The following ZNF385D variants were observed in gnomAD, a reference collection of about 807,000 sequenced individuals.
ZNF385D encodes the protein zinc finger protein 659.
ZNF385D carries 15 observed loss-of-function variants against 35.8 expected under a neutral mutation model. That is an observed-to-expected ratio of 0.42 (90% confidence interval 0.28 to 0.64). ZNF385D has a LOEUF of 0.64. Among genes scored for constraint, ZNF385D ranks in the 30% least tolerant of loss-of-function variants. ZNF385D has a pLI of 0.23. For missense variants in ZNF385D, 474 were observed against 494.6 expected (o/e 0.96, Z 0.39); for synonymous variants, 212 against 186.8 (o/e 1.13, Z -1.10).
chr3:21,996,329 G>C (rs1202907291), intron 3 of ZNF385D, among the ~76,000 whole-genome samples: 1 of 152,154 alleles, frequency 6.6e-6, no homozygotes, highest in African/African-American at 2.4e-5. Context: ...CTGCAGTGGA[G>C]TTTCTCCTGG....
At chr3:22,164,920 G>T (rs1373369621) in intron 3 of ZNF385D, among the ~76,000 whole-genome samples, 1 of 152,098 alleles carries the variant, frequency 6.6e-6, no homozygotes, top group East Asian at 1.9e-4. Context: ...AATATAAAAA[G>T]GCTACATAGT....
At chr3:21,431,992 G>T (rs982351958) in intron 5 of ZNF385D, among the ~76,000 whole-genome samples, 1 of 152,066 alleles carries the variant, frequency 6.6e-6, no homozygotes, top group Non-Finnish European at 1.5e-5. Context: ...AGATAATCAA[G>T]GAAAATTAAC....
intron 3 of ZNF385D, among the ~76,000 whole-genome samples, chr3:22,002,936 A>G (rs1191579092): frequency 6.6e-6 from 1 of 152,192 alleles, no homozygotes; most frequent in Non-Finnish European, 1.5e-5. Flanking sequence ...AAAATAATAA[A>G]GGTCATATAT....
intron 2 of ZNF385D, among the ~76,000 whole-genome samples, chr3:22,327,827 T>C (rs1694749378): frequency 1.3e-5 from 2 of 152,228 alleles, no homozygotes; most frequent in Admixed American, 1.3e-4. Flanking sequence ...ATGTTGACCT[T>C]GTATGGAAGA....
chr3:21,448,480 A>G (rs1260314606), intron 4 of ZNF385D, among the ~76,000 whole-genome samples: 1 of 152,148 alleles, frequency 6.6e-6, no homozygotes, highest in Non-Finnish European at 1.5e-5. Context: ...TTCTCTCTTC[A>G]AAGTAGTTTC....
chr3:21,523,511 T>C (rs1708041933), intron 3 of ZNF385D, among the ~76,000 whole-genome samples: 1 of 152,200 alleles, frequency 6.6e-6, no homozygotes, highest in Non-Finnish European at 1.5e-5. Context: ...GATTAAATAA[T>C]ATTACGTGCA....
chr3:22,154,118 G>A (rs982556343), intron 3 of ZNF385D, among the ~76,000 whole-genome samples: 9 of 152,106 alleles, frequency 5.9e-5, no homozygotes, highest in Non-Finnish European at 5.9e-5. Flanking sequence ...TCCTAATTCT[G>A]GTCCTCGGGA....
intron 3 of ZNF385D, among the ~76,000 whole-genome samples, chr3:21,848,281 G>A (rs953045162): frequency 1.3e-5 from 2 of 151,714 alleles, no homozygotes; most frequent in Non-Finnish European, 2.9e-5. Flanking sequence ...CCACATTTTG[G>A]CTAGTCAGTA....
intron 3 of ZNF385D, among the ~76,000 whole-genome samples, chr3:21,880,267 G>GT (rs1698209195): frequency 1.3e-5 from 2 of 151,948 alleles, no homozygotes; most frequent in African/African-American, 4.8e-5. Context: ...GCTTTACTGT[G>GT]TTTCACAGAT....
chr3:21,742,797 C>G (rs922832066), intron 1 of ZNF385D, among the ~76,000 whole-genome samples: 3 of 152,188 alleles, frequency 2.0e-5, no homozygotes, highest in Non-Finnish European at 2.9e-5. Context: ...GGCTTTTCAG[C>G]TCTTCTATCA....
chr3:22,174,739 C>T lies in ZNF385D; in HGVS notation c.107-5704G>A, dbSNP rs182202051. Among the ~76,000 whole-genome samples the T allele has an allele frequency of 1.5e-4, 23 of 152,120 alleles. No homozygotes were observed. In the East Asian group the frequency reaches 4.1e-3, roughly 27 times the overall value. ...CTAGAGATACTTCATGGCGATAACACTGAAATACAACTAGTCAGGGTAGAT... is the reference window on the plus strand; with the variant it reads ...CTAGAGATACTTCATGGCGATAACATTGAAATACAACTAGTCAGGGTAGAT... On this transcript the variant is annotated intron_variant, in intron 2 of 5. Coordinates refer to the ZNF385D transcript ENST00000494108.
chr3:22,174,051 C>CACAG (rs58886338), intron 2 of ZNF385D, among the ~76,000 whole-genome samples: 13 of 143,722 alleles, frequency 9.0e-5, no homozygotes, highest in East Asian at 4.0e-4. Flanking sequence ...CACACACACA[C>CACAG]AGAGATATCC....
At chr3:22,087,212 A>C (rs1248713916) in intron 3 of ZNF385D, among the ~76,000 whole-genome samples, 1 of 150,522 alleles carries the variant, frequency 6.6e-6, no homozygotes, top group Non-Finnish European at 1.5e-5. Flanking sequence ...AAAACAGTAA[A>C]ATTAAGCAAT....
At chr3:22,162,671 G>T (rs931246916) in intron 3 of ZNF385D, among the ~76,000 whole-genome samples, 2 of 152,122 alleles carry the variant, frequency 1.3e-5, no homozygotes, top group African/African-American at 4.8e-5. Context: ...ATAACCTCAG[G>T]ATAAGGTATA....
chr3:21,998,819 G>T (rs1265234548), intron 3 of ZNF385D, among the ~76,000 whole-genome samples: 2 of 152,052 alleles, frequency 1.3e-5, no homozygotes, highest in Non-Finnish European at 2.9e-5. Context: ...GACTGTCAAG[G>T]GAGTTTGTTG....
intron 3 of ZNF385D, among the ~76,000 whole-genome samples, chr3:21,542,345 C>T (rs199876793): frequency 2.8e-5 from 4 of 142,990 alleles, no homozygotes; most frequent in Non-Finnish European, 6.0e-5. Flanking sequence ...TCTTCTCTTT[C>T]TTTTTTTTTT....
At chr3:22,321,164 G>GTTTTTTTTTTTTTTTTTTTTTTTTT in intron 2 of ZNF385D, among the ~76,000 whole-genome samples, 6 of 76,152 alleles carry the variant, frequency 7.9e-5, no homozygotes, top group African/African-American at 1.5e-4. Context: ...TTATGACCTT[G>GTTTTTTTTTTTTTTTTTTTTTTTTT]TTTTTTTTTT....
At chr3:21,751,575 G>A (rs2070089368), upstream of ZNF385D, 4 of 355,368 alleles carry the variant, frequency 1.1e-5, no homozygotes, top group South Asian at 4.5e-4. Flanking sequence ...TACGAAGAGG[G>A]ATGGTGCCGT....
At chr3:21,463,546 G>T (rs1218958047) in intron 4 of ZNF385D, among the ~76,000 whole-genome samples, 2 of 152,142 alleles carry the variant, frequency 1.3e-5, no homozygotes, top group African/African-American at 4.8e-5. Context: ...GTGTCAGGGT[G>T]GAGTGAGGAG....
Sources: allele counts gnomAD v4.1 joint callset (sites outside exome capture counted in the v4.1 genomes callset), GRCh38; gene constraint gnomAD v4.1.1; transcripts MANE v1.5; gene names NCBI Gene and HGNC (gene_info 2026-07-23, HGNC 2026-07-21).